Variants in CSMD3 observed in about 807,000 individuals in gnomAD.
The protein encoded by CSMD3 is CUB and Sushi multiple domains 3, also known as CUB and sushi domain-containing protein 3.
In CSMD3, 177 loss-of-function variants were observed where a neutral mutation model predicts 435.2. The ratio of observed to expected loss-of-function variants is 0.41; its 90% CI spans 0.36 to 0.46. The LOEUF is 0.46. Among genes scored for constraint, CSMD3 ranks in the 20% least tolerant of loss-of-function variants. CSMD3 has a pLI of 0.34. For synonymous variants in CSMD3, 1,656 were observed against 1,520.5 expected, an observed-to-expected ratio of 1.09 and a Z score of -2.07; for missense variants, 4,265 against 4,504.6, an observed-to-expected ratio of 0.95 and a Z score of 1.52.
At chr8:113,394,939 A>G (rs2094476531) in intron 1 of CSMD3, among the ~76,000 whole-genome samples, 1 of 152,188 alleles carries the variant, frequency 6.6e-6, no homozygotes, top group Non-Finnish European at 1.5e-5. Context: ...TGAGAAGAGG[A>G]AGTGTTACAA....
rs774223899 is a variant in CSMD3 at position 112,383,590 on chromosome 8, G to A, written c.6008C>T (p.Ala2003Val). Residue 2003 changes from alanine (A) to valine (V), a missense_variant, in exon 37 of 71, where the codon GCT becomes GTT. By Grantham distance (64) the Ala-to-Val change is moderately conservative. This residue lies in a region of CSMD3 where 3,255 missense variants were observed against 3,380.2 expected (regional missense o/e 0.96). Transcript: ENST00000297405. The part of the protein sequence containing the change: ...LDFYDGGDNN[A>V]PRLGSYSGTT... ...ACCTGAATAGCTTCCAAGTCTTGGA[G>A]CATTGTTGTCTCCCCCATCATAAAA... The A allele has an allele frequency of 6.3e-7, 1 of 1,593,218 alleles. No individual in the cohort carries two copies. The highest frequency in any genetic ancestry group is 1.7e-5 in the Admixed American group (1 of 59,970).
At chr8:113,072,209 A>C (rs2089151805) in intron 5 of CSMD3, among the ~76,000 whole-genome samples, 1 of 151,646 alleles carries the variant, frequency 6.6e-6, no homozygotes, top group African/African-American at 2.4e-5. Context: ...TTTTGGTGAG[A>C]ACTTAGGGTT....
At chr8:112,775,864 T>C (rs1418070117) in intron 13 of CSMD3, among the ~76,000 whole-genome samples, 1 of 151,920 alleles carries the variant, frequency 6.6e-6, no homozygotes, top group Non-Finnish European at 1.5e-5. Context: ...ATTCTAAATC[T>C]GAATCATAAA....
chr8:113,341,276 C>A (rs1263676920), intron 1 of CSMD3, among the ~76,000 whole-genome samples: 2 of 152,072 alleles, frequency 1.3e-5, no homozygotes, highest in Admixed American at 6.5e-5. Context: ...ATCATAATCA[C>A]CCTACTGTGA....
chr8:112,552,959 C>T lies in CSMD3; in HGVS notation c.4235-239G>A, dbSNP rs77939432. 4.7e-3 allele frequency among the ~76,000 whole-genome samples: 715 copies of T among 152,160 alleles called. 14 individuals are homozygous for T. In the East Asian group the frequency reaches 0.077, roughly 16 times the overall value. On this transcript the variant is annotated intron_variant, in intron 25 of 70. Coordinates refer to ENST00000297405, the MANE Select transcript of CSMD3 (RefSeq NM_198123.2). Reference sequence around the variant, plus strand: ...CTGAAACCTACTTAAAGAATTAAAACAAGACACACTCAAAACCTCTGAGTT... The same window carrying T: ...CTGAAACCTACTTAAAGAATTAAAATAAGACACACTCAAAACCTCTGAGTT...
intron 6 of CSMD3, among the ~76,000 whole-genome samples, chr8:112,991,644 T>G (rs1168899246): frequency 6.6e-6 from 1 of 151,712 alleles, no homozygotes; most frequent in Non-Finnish European, 1.5e-5. Flanking sequence ...CAATAAAAAG[T>G]AATATACCAG....
chr8:113,427,335 T>C (rs551867379), intron 1 of CSMD3, among the ~76,000 whole-genome samples: 53 of 151,582 alleles, frequency 3.5e-4, no homozygotes, highest in African/African-American at 1.1e-3. Context: ...GCATGTGAAG[T>C]TTCCCATTTG....
chr8:112,759,471 C>T (rs369213433), intron 13 of CSMD3, among the ~76,000 whole-genome samples: 24 of 152,094 alleles, frequency 1.6e-4, no homozygotes, highest in African/African-American at 5.3e-4. Flanking sequence ...ATAAAGAAAT[C>T]GTCTATGGTG....
chr8:113,203,663 C>A (rs1445697192), intron 3 of CSMD3, among the ~76,000 whole-genome samples: 1 of 151,984 alleles, frequency 6.6e-6, no homozygotes, highest in Non-Finnish European at 1.5e-5. Context: ...TTCTTAAATT[C>A]AAACCTTTCT....
intron 10 of CSMD3, among the ~76,000 whole-genome samples, chr8:112,863,965 A>G (rs2080899892): frequency 6.6e-6 from 1 of 152,140 alleles, no homozygotes; most frequent in Non-Finnish European, 1.5e-5. Flanking sequence ...TAAAGATTAG[A>G]ACAAAATGTG....
chr8:112,225,355 T>G (rs1812467902), intron 70 of CSMD3, among the ~76,000 whole-genome samples: 1 of 152,088 alleles, frequency 6.6e-6, no homozygotes, highest in Non-Finnish European at 1.5e-5. Flanking sequence ...TATCATTTTT[T>G]TAAAAAAAGA....
At chr8:112,652,057 C>T (rs1204998051) in intron 18 of CSMD3, among the ~76,000 whole-genome samples, 1 of 152,140 alleles carries the variant, frequency 6.6e-6, no homozygotes, top group Non-Finnish European at 1.5e-5. Context: ...AAATGTTGGA[C>T]ATACGTATAG....
intron 63 of CSMD3, among the ~76,000 whole-genome samples, chr8:112,251,551 A>G (rs1375187663): frequency 5.9e-5 from 9 of 151,780 alleles, no homozygotes. Context: ...CATTTAAGGT[A>G]ATAAAACACT....
At chr8:112,340,316 T>G (rs1824972962) in intron 42 of CSMD3, among the ~76,000 whole-genome samples, 1 of 152,180 alleles carries the variant, frequency 6.6e-6, no homozygotes, top group Admixed American at 6.5e-5. Flanking sequence ...ACTCCTATTT[T>G]ATGAAAGTGA....
At chr8:112,314,897 C>T (rs1012354585) in intron 47 of CSMD3, among the ~76,000 whole-genome samples, 1 of 151,782 alleles carries the variant, frequency 6.6e-6, no homozygotes, top group Admixed American at 6.6e-5. Context: ...TTAATGCCTC[C>T]TCTTTCTTCA....
intron 52 of CSMD3, among the ~76,000 whole-genome samples, chr8:112,302,290 A>C (rs1185286181): frequency 6.6e-6 from 1 of 151,214 alleles, no homozygotes; most frequent in Admixed American, 6.6e-5. Context: ...TAAAGAGATG[A>C]TAATTCATTA....
intron 32 of CSMD3, among the ~76,000 whole-genome samples, chr8:112,444,102 A>C (rs907296101): frequency 6.6e-6 from 1 of 152,212 alleles, no homozygotes; most frequent in Non-Finnish European, 1.5e-5. Context: ...CAATTGAATT[A>C]TTCTTTTATG....
intron 13 of CSMD3, among the ~76,000 whole-genome samples, chr8:112,793,764 TTTGA>T (rs1463529114): frequency 6.6e-6 from 1 of 152,156 alleles, no homozygotes. Context: ...GTTGGCTGCC[TTTGA>T]TTGGCCAGAA....
chr8:112,390,602 C>A lies in CSMD3; in HGVS notation c.5934+62G>T, dbSNP rs565676388. The A allele has an allele frequency of 6.0e-6, 8 of 1,336,912 alleles. No individual in the cohort carries two copies. In the East Asian group the frequency reaches 1.6e-4, roughly 27 times the overall value. The allele number at this position is 1,336,912 out of a possible 1,614,324, so 82.8% of individuals were successfully genotyped here. A position where few individuals can be genotyped will look rare whatever the true frequency, so the allele number is the denominator to read the frequency against. Reference sequence around the variant, plus strand: ...CTTTTAGAAATAATGTTCATTCTGTCATCTCTGAAAAGATTAACTACACAC... The same window carrying A: ...CTTTTAGAAATAATGTTCATTCTGTAATCTCTGAAAAGATTAACTACACAC... On this transcript the variant is annotated intron_variant, in intron 36 of 70. Transcript: ENST00000297405.
Sources: gnomAD v4.1 joint callset for allele counts (sites outside exome capture counted in the v4.1 genomes callset) on GRCh38, gnomAD v4.1.1 for gene constraint, gnomAD v4.1.1 regional missense constraint, MANE v1.5 for transcripts, NCBI Gene and HGNC (gene_info 2026-07-23, HGNC 2026-07-21) for gene names.